CERS6: variants seen among roughly 807,000 people sequenced by gnomAD.
CERS6 encodes LAG1 homolog, ceramide synthase 6.
Under a neutral mutation model 56.8 loss-of-function variants are expected in CERS6, and 26 were observed. The ratio of observed to expected loss-of-function variants is 0.46; its 90% CI spans 0.34 to 0.63. The LOEUF is 0.63. Ranked by LOEUF, CERS6 falls within the 30% of genes least tolerant of loss-of-function variation. The pLI is 0.01. For missense variants in CERS6, 415 were observed against 467.5 expected, an observed-to-expected ratio of 0.89 and a Z score of 1.04; for synonymous variants, 164 against 173.3, an observed-to-expected ratio of 0.95 and a Z score of 0.42.
intron 5 of CERS6, among the ~76,000 whole-genome samples, chr2:168,693,926 C>T (rs1237423859): frequency 1.3e-5 from 2 of 152,134 alleles, no homozygotes; most frequent in Non-Finnish European, 2.9e-5. Flanking sequence ...CTATGCAGGA[C>T]AACTTTTCCA....
chr2:168,607,812 C>T (rs2105269768), intron 3 of CERS6, among the ~76,000 whole-genome samples: 1 of 152,276 alleles, frequency 6.6e-6, no homozygotes, highest in East Asian at 1.9e-4. Flanking sequence ...TGGAAGCATA[C>T]AAAGAGAAGA....
At chr2:168,610,810 T>C (rs2105273238) in intron 3 of CERS6, among the ~76,000 whole-genome samples, 1 of 152,278 alleles carries the variant, frequency 6.6e-6, no homozygotes, top group South Asian at 2.1e-4. Flanking sequence ...TTTTATTTTT[T>C]ATTTATTTAT....
chr2:168,502,132 A>G (rs1694593906), intron 1 of CERS6, among the ~76,000 whole-genome samples: 2 of 152,172 alleles, frequency 1.3e-5, no homozygotes, highest in African/African-American at 4.8e-5. Context: ...CACTTGGGCA[A>G]AGTCCCCAAT....
At chr2:168,744,796 A>G (rs1296210492) in intron 8 of CERS6, among the ~76,000 whole-genome samples, 2 of 152,242 alleles carry the variant, frequency 1.3e-5, no homozygotes, top group Admixed American at 1.3e-4. Context: ...ATTGTTATTC[A>G]AAGTTAGAGA....
intron 1 of CERS6, among the ~76,000 whole-genome samples, chr2:168,497,783 A>G (rs926835802): frequency 1.3e-5 from 2 of 152,130 alleles, no homozygotes; most frequent in East Asian, 1.9e-4. Context: ...GTTTTGAGCA[A>G]TTGAGTGACA....
At chr2:168,569,478 G>C (rs1199768432) in intron 3 of CERS6, among the ~76,000 whole-genome samples, 3 of 152,234 alleles carry the variant, frequency 2.0e-5, no homozygotes, top group Non-Finnish European at 4.4e-5. Context: ...CTCATAACTG[G>C]TGTGACTAAG....
At chr2:168,590,020 G>A (rs1051413048) in intron 3 of CERS6, among the ~76,000 whole-genome samples, 1 of 152,188 alleles carries the variant, frequency 6.6e-6, no homozygotes, top group African/African-American at 2.4e-5. Flanking sequence ...CCTGAAATTC[G>A]TTAAACCAGT....
intron 8 of CERS6, among the ~76,000 whole-genome samples, chr2:168,755,532 G>GC (rs1180410906): frequency 6.6e-6 from 1 of 152,112 alleles, no homozygotes; most frequent in African/African-American, 2.4e-5. Flanking sequence ...CAATAACCAT[G>GC]CCCCCACCCC....
intron 8 of CERS6, among the ~76,000 whole-genome samples, chr2:168,744,701 C>T (rs1359020585): frequency 6.6e-6 from 1 of 152,184 alleles, no homozygotes; most frequent in Non-Finnish European, 1.5e-5. Flanking sequence ...TGATAAATAT[C>T]ATTCAGGCAC....
At chr2:168,728,025 A>G (rs1052064919) in intron 8 of CERS6, among the ~76,000 whole-genome samples, 1 of 152,228 alleles carries the variant, frequency 6.6e-6, no homozygotes, top group Admixed American at 6.5e-5. Context: ...TCAGGATTGA[A>G]GGGCTAGACC....
intron 4 of CERS6, 131 bp downstream of exon 4, chr2:168,631,173 A>AT: frequency 4.0e-6 from 2 of 494,492 alleles, no homozygotes; most frequent in Non-Finnish European, 7.2e-6. Context: ...TTATTTGTGC[A>AT]TTTTCATTTG....
intron 3 of CERS6, among the ~76,000 whole-genome samples, chr2:168,595,031 A>G (rs1188197885): frequency 6.6e-6 from 1 of 152,196 alleles, no homozygotes; most frequent in Admixed American, 6.5e-5. Context: ...ATGCAGGTGC[A>G]CTGGCTTGCA....
intron 3 of CERS6, among the ~76,000 whole-genome samples, chr2:168,580,923 C>G (rs1291401911): frequency 2.6e-5 from 4 of 152,010 alleles, no homozygotes; most frequent in Non-Finnish European, 4.4e-5. Context: ...TCAAGATTTT[C>G]CCCTTAGTCT....
At chr2:168,511,695 C>T (rs999913122) in intron 1 of CERS6, among the ~76,000 whole-genome samples, 14 of 152,126 alleles carry the variant, frequency 9.2e-5, no homozygotes, top group African/African-American at 2.4e-5. Context: ...TGGAACTTCT[C>T]AATTAATCCT....
At chr2:168,574,024 T>C (rs911629455) in intron 3 of CERS6, among the ~76,000 whole-genome samples, 1 of 152,226 alleles carries the variant, frequency 6.6e-6, no homozygotes, top group African/African-American at 2.4e-5. Context: ...TCTTCTAACG[T>C]TGTCCTTTAG....
chr2:168,576,706 T>A (rs1307890737), intron 3 of CERS6, among the ~76,000 whole-genome samples: 1 of 152,212 alleles, frequency 6.6e-6, no homozygotes, highest in Non-Finnish European at 1.5e-5. Context: ...GTTTTTTCTG[T>A]TCCTTCTGTA....
In CERS6 at chr2:168,645,116, A is replaced by AAATATATAT. The variant is rs1553503146; in HGVS notation, c.465+14075_465+14076insATATATATA. ...AAAAAAAAAAAAAAAAAAAAAAAAA[A>AAATATATAT]ATATATATATATATATATATATATA... On this transcript the variant is annotated intron_variant, in intron 4 of 9. Coordinates refer to ENST00000305747, the MANE Select transcript of CERS6 (RefSeq NM_203463.3). Among the ~76,000 whole-genome samples the AAATATATAT allele has an allele frequency of 4.2e-4, 8 of 19,030 alleles. 1 individual carries two copies. The highest frequency in any genetic ancestry group is 7.0e-4 in the Non-Finnish European group (7 of 10,014). 12.5% of individuals were successfully genotyped at this position (19,030 alleles called of 152,430 possible). A position where few individuals can be genotyped will look rare whatever the true frequency, so the allele number is the denominator to read the frequency against.
chr2:168,771,375 G>A lies in CERS6; in HGVS notation c.*1713G>A, dbSNP rs1684857371. On this transcript the variant is annotated 3_prime_UTR_variant, in exon 10 of 10. Coordinates refer to ENST00000305747, the MANE Select transcript of CERS6 (RefSeq NM_203463.3). Reference sequence around the variant, plus strand: ...CTTATTTACAAAATAATATGTTTCTGTTATGGTCCTTAGTAATAATTGAAG... The same window carrying A: ...CTTATTTACAAAATAATATGTTTCTATTATGGTCCTTAGTAATAATTGAAG... 6.6e-6 allele frequency: 1 copy of A among 152,170 alleles called. No homozygotes were observed. The highest frequency in any genetic ancestry group is 1.5e-5 in the Non-Finnish European group (1 of 68,028). The allele number at this position is 152,170 out of a possible 1,614,324, so 9.4% of individuals were successfully genotyped here.
intron 4 of CERS6, among the ~76,000 whole-genome samples, chr2:168,664,399 C>T (rs1422205859): frequency 6.6e-6 from 1 of 152,116 alleles, no homozygotes; most frequent in Admixed American, 6.5e-5. Flanking sequence ...AAAGGGGTCC[C>T]AATCCAGACC....
Sources: gnomAD v4.1 joint callset for allele counts (sites outside exome capture counted in the v4.1 genomes callset) on GRCh38, gnomAD v4.1.1 for gene constraint, MANE v1.5 for transcripts, NCBI Gene and HGNC (gene_info 2026-07-23, HGNC 2026-07-21) for gene names.